Variants in SLC30A7 observed in about 807,000 individuals in gnomAD.
SLC30A7 encodes the protein zinc transporter 7.
In SLC30A7, 35 loss-of-function variants were observed where a neutral mutation model predicts 46.0. The observed-to-expected ratio is 0.76, with a 90% confidence interval of 0.58 to 1.01. The LOEUF is 1.01. SLC30A7 is among the 50% of genes least tolerant of loss of function. The pLI is 0.00. For missense variants in SLC30A7, 464 were observed against 451.1 expected (o/e 1.03, Z -0.26); for synonymous variants, 147 against 157.8 (o/e 0.93, Z 0.51).
chr1:100,915,245 CT>C (rs1557981474), intron 6 of SLC30A7, among the ~76,000 whole-genome samples: 83 of 93,160 alleles, frequency 8.9e-4, no homozygotes, highest in African/African-American at 3.0e-3. Flanking sequence ...TTCTTTCTTT[CT>C]TTCTTTCTTC....
At chr1:100,960,170 A>C (rs565571137) in intron 8 of SLC30A7, among the ~76,000 whole-genome samples, 31 of 152,250 alleles carry the variant, frequency 2.0e-4, no homozygotes, top group Non-Finnish European at 4.0e-4. Context: ...ATTTTTTAGT[A>C]ATCTGTTTGT....
At chr1:100,917,041 A>C (rs1652608148) in intron 6 of SLC30A7, among the ~76,000 whole-genome samples, 3 of 152,048 alleles carry the variant, frequency 2.0e-5, no homozygotes, top group African/African-American at 7.2e-5. Context: ...GAAGCTTTTT[A>C]ATTTGATGTA....
At chr1:100,921,654 AT>A in intron 7 of SLC30A7, 51 bp from the exon 8 acceptor site, 1 of 1,467,546 alleles carries the variant, frequency 6.8e-7, no homozygotes, top group Non-Finnish European at 9.5e-7. Flanking sequence ...ATATATTCGT[AT>A]TTTAAATTAA....
intron 10 of SLC30A7, among the ~76,000 whole-genome samples, chr1:100,970,144 T>C (rs1393035897): frequency 6.6e-6 from 1 of 152,148 alleles, no homozygotes; most frequent in African/African-American, 2.4e-5. Flanking sequence ...GTGGCCTTAG[T>C]TCCAAAATAC....
chr1:100,923,663 C>T (rs1276121848), intron 8 of SLC30A7, among the ~76,000 whole-genome samples: 1 of 152,092 alleles, frequency 6.6e-6, no homozygotes, highest in African/African-American at 2.4e-5. Context: ...CCTATAGTTG[C>T]AGCTACTTGG....
At chr1:100,942,481 C>T (rs1228468810) in intron 8 of SLC30A7, among the ~76,000 whole-genome samples, 1 of 152,174 alleles carries the variant, frequency 6.6e-6, no homozygotes, top group Non-Finnish European at 1.5e-5. Context: ...CAGCAACAAT[C>T]AACACAGTAG....
chr1:100,968,751 A>G (rs575013759), intron 10 of SLC30A7, among the ~76,000 whole-genome samples: 12 of 152,320 alleles, frequency 7.9e-5, no homozygotes, highest in Non-Finnish European at 1.2e-4. Context: ...ATCCTATGTC[A>G]TACATATCAC....
chr1:100,902,834 AT>A (rs571441062), intron 2 of SLC30A7, among the ~76,000 whole-genome samples: 149 of 152,312 alleles, frequency 9.8e-4, no homozygotes, highest in African/African-American at 3.5e-3. Flanking sequence ...CAATGAGTCC[AT>A]TTCTAATAAA....
At chr1:100,990,475 A>C in the SLC30A7 span, 72 of 1,614,164 alleles carry the variant, frequency 4.5e-5, no homozygotes, top group African/African-American at 8.1e-4. Context: ...TAGCATCTCC[A>C]TCTCCATTGG....
intron 10 of SLC30A7, among the ~76,000 whole-genome samples, chr1:100,973,612 G>T (rs112784047): frequency 6.6e-6 from 1 of 151,966 alleles, no homozygotes; most frequent in Non-Finnish European, 1.5e-5. Flanking sequence ...ATAATACATC[G>T]CAAGGTGATA....
At chr1:100,906,451 A>C (rs1372732316) in intron 2 of SLC30A7, among the ~76,000 whole-genome samples, 1 of 152,074 alleles carries the variant, frequency 6.6e-6, no homozygotes. Flanking sequence ...GGAGCAGGAT[A>C]CTCAACAAAA....
At chr1:100,990,624 G>A in the SLC30A7 span, 7 of 1,613,470 alleles carry the variant, frequency 4.3e-6, no homozygotes, top group African/African-American at 2.7e-5. Context: ...GTGTCTCCTC[G>A]GTAACTGCTA....
chr1:100,984,080 C>G (rs985386576), downstream of SLC30A7, among the ~76,000 whole-genome samples: 5 of 152,198 alleles, frequency 3.3e-5, no homozygotes, highest in Non-Finnish European at 7.3e-5. Flanking sequence ...GGAGGGAAGA[C>G]TTCCCACTGG....
chr1:100,908,194 G>A (rs1651813960), intron 3 of SLC30A7, among the ~76,000 whole-genome samples: 2 of 151,692 alleles, frequency 1.3e-5, no homozygotes, highest in South Asian at 2.1e-4. Context: ...CTCTTGTTAT[G>A]TCTTTTACTC....
intron 10 of SLC30A7, among the ~76,000 whole-genome samples, chr1:100,966,336 T>C (rs944979098): frequency 6.6e-6 from 1 of 151,504 alleles, no homozygotes; most frequent in Non-Finnish European, 1.5e-5. Flanking sequence ...GTAATCCCAG[T>C]GCTTTGGGAG....
chr1:100,958,905 A>G (rs147834705), intron 8 of SLC30A7, among the ~76,000 whole-genome samples: 35 of 152,326 alleles, frequency 2.3e-4, no homozygotes, highest in Admixed American at 5.9e-4. Flanking sequence ...TCATAGGAAC[A>G]CAGAGAAGAC....
Position 100,899,819 on chromosome 1 carries a change from AT to A in SLC30A7, c.182+3162del, listed in dbSNP as rs34648957. Among the ~76,000 whole-genome samples the A allele has an allele frequency of 9.9e-3, 1,443 of 146,320 alleles. 25 individuals are homozygous for A. The highest frequency in any genetic ancestry group is 0.028 in the African/African-American group (1,114 of 39,740). On this transcript the variant is annotated intron_variant, in intron 2 of 10. Coordinates refer to ENST00000357650, the MANE Select transcript of SLC30A7 (RefSeq NM_133496.5). ...ATAAAAAGAGGTAAAAGGTGTGCAC[AT>A]TTTTTTTTTTTTTAAGATTTACCTG... is the stretch of plus-strand genomic sequence containing the variant.
chr1:100,992,610 T>G, the SLC30A7 span: 2,228 of 1,481,998 alleles, frequency 1.5e-3, no homozygotes, highest in Non-Finnish European at 1.9e-3. Flanking sequence ...AGGAATAATA[T>G]GAGAGCCCTT....
the SLC30A7 span, among the ~76,000 whole-genome samples, chr1:100,987,694 T>C: frequency 2.6e-5 from 4 of 151,214 alleles, no homozygotes; most frequent in Non-Finnish European, 4.4e-5. Context: ...AACCATAAGC[T>C]ATAAACTGTA....
Sources: gnomAD v4.1 joint callset for allele counts (sites outside exome capture counted in the v4.1 genomes callset) on GRCh38, gnomAD v4.1.1 for gene constraint, MANE v1.5 for transcripts, NCBI Gene and HGNC (gene_info 2026-07-23, HGNC 2026-07-21) for gene names.